C22orf31: variants seen among roughly 807,000 people sequenced by gnomAD.
C22orf31 encodes uncharacterized protein C22orf31.
In C22orf31, 11 loss-of-function variants were observed where a neutral mutation model predicts 15.0. That is an observed-to-expected ratio of 0.73 (90% confidence interval 0.46 to 1.21). The LOEUF (loss-of-function observed/expected upper bound fraction) is 1.21, where lower values mean the gene tolerates loss of function less well. C22orf31 is among the 50% of genes most tolerant of loss of function. The pLI is 0.00. For missense variants in C22orf31, 340 were observed against 347.2 expected, an observed-to-expected ratio of 0.98 and a Z score of 0.17; for synonymous variants, 132 against 133.3, an observed-to-expected ratio of 0.99 and a Z score of 0.07.
the C22orf31 span, among the ~76,000 whole-genome samples, chr22:29,068,281 G>T: frequency 6.6e-6 from 1 of 151,646 alleles, no homozygotes; most frequent in Non-Finnish European, 1.5e-5. Context: ...TTACAGATGG[G>T]GTTTCACCAT....
At chr22:29,060,938 T>G (rs549523823) in intron 1 of C22orf31, 95 bp from the exon 2 acceptor site, 1 of 1,007,326 alleles carries the variant, frequency 9.9e-7, no homozygotes, top group South Asian at 1.6e-5. Flanking sequence ...TAACATCTTT[T>G]TATAGGCCAT....
Position 29,060,859 on chromosome 22 carries a change from G to C in C22orf31, c.4-16C>G. ...TGATTGGGTGCTAGAATTATAAGGA[G>C]GGAGAAATGAATTTTAAAAGGACCG... is the stretch of plus-strand genomic sequence containing the variant. On this transcript the variant is annotated splice_polypyrimidine_tract_variant and intron_variant, in intron 1 of 2. Coordinates refer to ENST00000216071, the MANE Select transcript of C22orf31 (RefSeq NM_015370.2). The C allele has an allele frequency of 6.3e-7, 1 of 1,594,964 alleles. No homozygotes were observed. Among genetic ancestry groups the C allele is most frequent in the Non-Finnish European group, 8.6e-7 (1 of 1,168,212 alleles).
chr22:29,063,646 T>A (rs760627), upstream of C22orf31, among the ~76,000 whole-genome samples: 49,724 of 152,098 alleles, frequency 0.33, 10,171 homozygotes, highest in East Asian at 0.64. Flanking sequence ...AAGCTATTTC[T>A]CCTATGTCAA....
At position 29,060,429 on chromosome 22, in the gene C22orf31, C is replaced by G; in HGVS notation, c.418G>C (p.Gly140Arg). 1 of 1,612,786 alleles carries G rather than the reference C, an allele frequency of 6.2e-7. No individual in the cohort carries two copies. The highest frequency in any genetic ancestry group is 8.5e-7 in the Non-Finnish European group (1 of 1,179,704). The stretch of plus-strand genomic sequence containing the variant: ...TCCTCGTCTACCTCTCTGATGCCTC[C>G]TGCAGGCCTCCTATGCCCTGCTGGC... ...KQPAGHRRPAGGIRESKESSK... is the reference protein window; with the variant it reads ...KQPAGHRRPARGIRESKESSK... Residue 140 changes from glycine (G) to arginine (R), a missense_variant, in exon 2 of 3, where the codon GGA (glycine) becomes CGA (arginine). Physicochemically the swap from Gly to Arg is moderately radical, Grantham distance 125 (BLOSUM62 -2). Coordinates refer to ENST00000216071, the MANE Select transcript of C22orf31 (RefSeq NM_015370.2).
Position 29,060,755 on chromosome 22 carries a change from T to G in C22orf31, c.92A>C (p.Tyr31Ser), listed in dbSNP as rs151191121. ...GTTGGTGAGAGCCGGTGAGTCCACA[T>G]AGCAGTCCTGAAGCCTGGTATTTAA... ...ILLNTRLQDC[Y>S]VDSPALTNIW... is the part of the protein sequence containing the mutation. The change falls in exon 2 of 3, where the codon TAT becomes TCT. Residue 31 changes from tyrosine (Y) to serine (S), a missense_variant. Tyr to Ser is a moderately radical substitution (Grantham distance 144, BLOSUM62 -2). Coordinates refer to ENST00000216071, the MANE Select transcript of C22orf31 (RefSeq NM_015370.2). 1.2e-6 allele frequency: 2 copies of G among 1,614,104 alleles called. No homozygotes were observed. Among genetic ancestry groups the G allele is most frequent in the Non-Finnish European group, 1.7e-6 (2 of 1,179,990 alleles).
the C22orf31 span, among the ~76,000 whole-genome samples, chr22:29,068,067 AAC>A: frequency 2.1e-4 from 4 of 19,312 alleles, no homozygotes; most frequent in Non-Finnish European, 4.6e-4. Flanking sequence ...CAACATATCA[AAC>A]ATATCAAACC....
chr22:29,069,069 G>A, the C22orf31 span, among the ~76,000 whole-genome samples: 1 of 152,248 alleles, frequency 6.6e-6, no homozygotes, highest in Admixed American at 6.5e-5. Context: ...GCCCAGCCTG[G>A]TACTTGTGAG....
At chr22:29,062,081 G>A (rs552928059), upstream of C22orf31, among the ~76,000 whole-genome samples, 53 of 152,204 alleles carry the variant, frequency 3.5e-4, no homozygotes, top group Non-Finnish European at 6.3e-4. Context: ...AATTATGTGG[G>A]AAGAAGTTCT....
At chr22:29,070,759 C>CAGAAAA in the C22orf31 span, among the ~76,000 whole-genome samples, 61 of 151,972 alleles carry the variant, frequency 4.0e-4, 1 homozygote, top group Non-Finnish European at 2.5e-4. Context: ...GCCCTGTCTC[C>CAGAAAA]AGAAAAAGAA....
upstream of C22orf31, among the ~76,000 whole-genome samples, chr22:29,064,668 C>G (rs958023232): frequency 1.9e-4 from 23 of 123,638 alleles, no homozygotes; most frequent in Admixed American, 7.1e-4. Context: ...CTTGTTTTTG[C>G]CCAGTGATTT....
At chr22:29,070,749 G>C in the C22orf31 span, among the ~76,000 whole-genome samples, 4 of 152,148 alleles carry the variant, frequency 2.6e-5, no homozygotes, top group Non-Finnish European at 5.9e-5. Flanking sequence ...ACAGACGGAG[G>C]CCCTGTCTCC....
At chr22:29,066,258 A>C (rs895025856), upstream of C22orf31, among the ~76,000 whole-genome samples, 1 of 152,108 alleles carries the variant, frequency 6.6e-6, no homozygotes, top group African/African-American at 2.4e-5. Context: ...TTTTTGTTTT[A>C]ACACCCAAGC....
upstream of C22orf31, among the ~76,000 whole-genome samples, chr22:29,066,646 C>T (rs1178667358): frequency 2.1e-5 from 3 of 141,804 alleles, no homozygotes; most frequent in South Asian, 2.3e-4. Context: ...CTGCAACCTC[C>T]GCCTCCTGGG....
At chr22:29,066,524 CT>C (rs1187058004), upstream of C22orf31, among the ~76,000 whole-genome samples, 22 of 92,858 alleles carry the variant, frequency 2.4e-4, no homozygotes, top group Admixed American at 1.3e-3. Flanking sequence ...TTCTTTCTTT[CT>C]TTTCTTTTCT....
upstream of C22orf31, among the ~76,000 whole-genome samples, chr22:29,065,106 A>G (rs1601734404): frequency 1.3e-5 from 2 of 151,804 alleles, no homozygotes; most frequent in South Asian, 2.1e-4. Context: ...ACCAGCCTTC[A>G]CCTCCCAAAG....
chr22:29,073,122 T>C, the C22orf31 span: 1 of 1,028,658 alleles, frequency 9.7e-7, no homozygotes, highest in South Asian at 4.0e-5. This position sits in a 1 kb window ranked among gnomAD's most constrained non-coding sequence, Gnocchi z 4.4. Flanking sequence ...GGCCCCGCAC[T>C]GACGGCCCAT....
At chr22:29,071,873 G>A in the C22orf31 span, among the ~76,000 whole-genome samples, 1 of 152,246 alleles carries the variant, frequency 6.6e-6, no homozygotes, top group Non-Finnish European at 1.5e-5. Flanking sequence ...AAGCAGTACT[G>A]TCTCATCCAT....
chr22:29,059,914 C>A, intron 2 of C22orf31: 1 of 985,162 alleles, frequency 1.0e-6, no homozygotes, highest in South Asian at 4.7e-5. Context: ...AATAGCATGA[C>A]CCCAAAATCT....
At chr22:29,066,847 C>T in the C22orf31 span, among the ~76,000 whole-genome samples, 1 of 152,056 alleles carries the variant, frequency 6.6e-6, no homozygotes, top group Non-Finnish European at 1.5e-5. Context: ...AGGCGGGAGC[C>T]ACCGCGCCCA....
Sources: allele counts gnomAD v4.1 joint callset (sites outside exome capture counted in the v4.1 genomes callset), GRCh38; gene constraint gnomAD v4.1.1; non-coding constraint Gnocchi (gnomAD v3.1); transcripts MANE v1.5; gene names NCBI Gene and HGNC (gene_info 2026-07-23, HGNC 2026-07-21).